The following UNC5A variants were observed in gnomAD, a reference collection of about 807,000 sequenced individuals.
UNC5A encodes the protein unc-5 netrin receptor A.
A neutral mutation model predicts 87.4 loss-of-function variants in UNC5A; 20 were observed. The ratio of observed to expected loss-of-function variants is 0.23; its 90% CI spans 0.16 to 0.33. The LOEUF (loss-of-function observed/expected upper bound fraction) is 0.33. Among genes scored for constraint, UNC5A ranks in the 10% least tolerant of loss-of-function variants. The probability of loss-of-function intolerance (pLI) is 1.00; values close to 1 mark genes in which losing one functional copy is unlikely to be tolerated. For missense variants in UNC5A, 844 were observed against 1,133.4 expected (o/e 0.74, Z 3.67); for synonymous variants, 438 against 482.3 (o/e 0.91, Z 1.20).
intron 1 of UNC5A, among the ~76,000 whole-genome samples, chr5:176,847,036 C>T (rs1208018705): frequency 6.6e-6 from 1 of 152,154 alleles, no homozygotes; most frequent in East Asian, 1.9e-4. Flanking sequence ...AGCAGCACAG[C>T]CCCTTGCCGC....
At chr5:176,878,709 G>T in intron 13 of UNC5A, 70 bp downstream of exon 13, 1 of 1,541,012 alleles carries the variant, frequency 6.5e-7, no homozygotes. Flanking sequence ...CCCCCAAAAC[G>T]CTCCTGCCCT....
Position 176,838,293 on chromosome 5 carries a change from C to T in UNC5A, c.71-24331C>T, listed in dbSNP as rs937681510. On this transcript the variant is annotated intron_variant, in intron 1 of 14. Coordinates refer to ENST00000329542, the MANE Select transcript of UNC5A (RefSeq NM_133369.3). This position sits in a 1 kb window ranked among gnomAD's most constrained non-coding sequence, Gnocchi z 4.2. ...GGAAGCCACTCCCCTGCTAAAAAGCCTGTGATGGTTCCCCAATGCCTATAG... is the reference window on the plus strand; with the variant it reads ...GGAAGCCACTCCCCTGCTAAAAAGCTTGTGATGGTTCCCCAATGCCTATAG... Among the ~76,000 whole-genome samples, 20 of 152,182 alleles carry T rather than the reference C, an allele frequency of 1.3e-4. No individual in the cohort carries two copies. The highest frequency in any genetic ancestry group is 4.6e-4 in the African/African-American group (19 of 41,442).
chr5:176,832,686 G>A (rs183892108), intron 1 of UNC5A, among the ~76,000 whole-genome samples: 2 of 152,278 alleles, frequency 1.3e-5, no homozygotes, highest in East Asian at 3.9e-4. Context: ...CACACCAAGG[G>A]GTGTTGAGCC....
intron 1 of UNC5A, among the ~76,000 whole-genome samples, chr5:176,850,734 G>C (rs536734037): frequency 6.6e-6 from 1 of 152,314 alleles, no homozygotes; most frequent in East Asian, 1.9e-4. Context: ...TTGTCCCTAG[G>C]TTACTGGGTT....
intron 1 of UNC5A, among the ~76,000 whole-genome samples, chr5:176,850,356 T>C (rs1757513778): frequency 1.3e-5 from 2 of 152,076 alleles, no homozygotes; most frequent in Admixed American, 1.3e-4. Context: ...ATTCTCTTTC[T>C]AGAAATAGCG....
intron 1 of UNC5A, among the ~76,000 whole-genome samples, chr5:176,856,724 G>C (rs956292759): frequency 6.6e-6 from 1 of 152,076 alleles, no homozygotes; most frequent in Non-Finnish European, 1.5e-5. Context: ...CCACACCACT[G>C]GATGCCCACA....
intron 1 of UNC5A, among the ~76,000 whole-genome samples, chr5:176,850,143 T>G (rs1005943397): frequency 2.6e-5 from 4 of 152,142 alleles, no homozygotes; most frequent in African/African-American, 9.7e-5. Context: ...GGAGGCAACA[T>G]CTTTAATTTT....
intron 8 of UNC5A, 123 bp from the exon 9 acceptor site, chr5:176,877,069 C>T: frequency 1.3e-6 from 1 of 768,844 alleles, no homozygotes. Flanking sequence ...TTTGAGGCCC[C>T]TCTGTCCCCA....
At chr5:176,870,173 C>G (rs1281578526) in intron 5 of UNC5A, among the ~76,000 whole-genome samples, 197 bp from the exon 6 acceptor site, 2 of 152,196 alleles carry the variant, frequency 1.3e-5, no homozygotes, top group Non-Finnish European at 2.9e-5. Flanking sequence ...TCCGCGCCTC[C>G]CTGTCATTAG....
At chr5:176,872,919 C>T (rs1043520118) in intron 6 of UNC5A, among the ~76,000 whole-genome samples, 4 of 134,462 alleles carry the variant, frequency 3.0e-5, no homozygotes, top group Admixed American at 7.4e-5. Context: ...CATCTGCCCA[C>T]ACTCACCCAA....
chr5:176,859,497 C>CCTTGCTAGAGGGCATAGCTGCTAGAATGT (rs1757774559), intron 1 of UNC5A, among the ~76,000 whole-genome samples: 2 of 95,434 alleles, frequency 2.1e-5, no homozygotes, highest in Admixed American at 1.0e-4. Flanking sequence ...TGCTAGAATG[C>CCTTGCTAGAGGGCATAGCTGCTAGAATGT]CCTTGCTAGA....
In UNC5A at chr5:176,879,870, C is replaced by A. The variant is rs1358669067; in HGVS notation, c.2513C>A (p.Ser838Ter). ...GQPDAGLFTVSEAEC is the reference protein window; with the variant it reads ...GQPDAGLFTV Reference sequence around the variant, plus strand: ...CCAGACGCTGGCCTCTTCACAGTGTCGGAGGCTGAGTGCTGAGGCCGGCCA... The same window carrying A: ...CCAGACGCTGGCCTCTTCACAGTGTAGGAGGCTGAGTGCTGAGGCCGGCCA... Residue 838 changes from serine (S) to a stop codon, truncating the protein, a stop_gained, in exon 15 of 15, where the codon TCG becomes TAG. Coordinates refer to ENST00000329542, the MANE Select transcript of UNC5A (RefSeq NM_133369.3). LOFTEE classifies it high-confidence loss of function. 2 of 1,611,618 alleles carry A rather than the reference C, an allele frequency of 1.2e-6. No individual in the cohort carries two copies. Among genetic ancestry groups the A allele is most frequent in the African/African-American group, 2.7e-5 (2 of 74,876 alleles).
chr5:176,864,964 T>C (rs1432706042), intron 2 of UNC5A: 1 of 386,268 alleles, frequency 2.6e-6, no homozygotes, highest in Non-Finnish European at 5.1e-6. Flanking sequence ...GCTGGGAGGG[T>C]CTGCAGGAGA....
At position 176,873,836 on chromosome 5, in the gene UNC5A, C is replaced by G. The variant is rs539946014; in HGVS notation, c.887-132C>G. 115 of 886,894 alleles carry G rather than the reference C, an allele frequency of 1.3e-4. No homozygotes were observed. The African/African-American group carries it at 1.6e-3, about 12-fold the overall frequency. 54.9% of individuals were successfully genotyped at this position (886,894 alleles called of 1,614,324 possible). A position where few individuals can be genotyped will look rare whatever the true frequency, so the allele number is the denominator to read the frequency against. On this transcript the variant is annotated intron_variant, in intron 6 of 14. Transcript: ENST00000329542. ...CGCACGGACTCCATGCTCCCTGCCA[C>G]AAGCGTCTGCTCCCTAGCTAGTGCA...
Position 176,848,697 on chromosome 5 carries a change from C to T in UNC5A, c.71-13927C>T, listed in dbSNP as rs1006894754. On this transcript the variant is annotated intron_variant, in intron 1 of 14. Transcript: ENST00000329542. This position sits in a 1 kb window ranked among gnomAD's most constrained non-coding sequence, Gnocchi z 5.8. ...GTCTCAGGGGTCCCCTCTCTGGAGT[C>T]CCCCACCTGGACTCGCCTGTGCCGC... Among the ~76,000 whole-genome samples the T allele has an allele frequency of 6.6e-6, 1 of 152,162 alleles. No homozygotes were observed. Among genetic ancestry groups the T allele is most frequent in the Admixed American group, 6.5e-5 (1 of 15,284 alleles).
intron 1 of UNC5A, among the ~76,000 whole-genome samples, chr5:176,830,558 C>T (rs1249767954): frequency 2.2e-5 from 1 of 44,968 alleles, no homozygotes; most frequent in Non-Finnish European, 4.4e-5. Flanking sequence ...GTGCATGTGT[C>T]CTGGTGTGTG....
At chr5:176,828,944 C>T (rs188372464) in intron 1 of UNC5A, among the ~76,000 whole-genome samples, 17 of 152,148 alleles carry the variant, frequency 1.1e-4, no homozygotes, top group African/African-American at 3.6e-4. Context: ...GCCTGACCAA[C>T]ATGGTAAAAC....
chr5:176,830,783 C>CGT (rs1346489173), intron 1 of UNC5A, among the ~76,000 whole-genome samples: 1 of 103,744 alleles, frequency 9.6e-6, no homozygotes, highest in East Asian at 3.1e-4. Flanking sequence ...TGTGTACTGG[C>CGT]GTGTGTGTGC....
chr5:176,811,230 A>C (rs530751312), intron 1 of UNC5A, among the ~76,000 whole-genome samples: 1 of 152,280 alleles, frequency 6.6e-6, no homozygotes, highest in Admixed American at 6.5e-5. Flanking sequence ...AACGTTTAAG[A>C]TACCTCTTCC....
Sources: gnomAD v4.1 joint callset for allele counts (sites outside exome capture counted in the v4.1 genomes callset) on GRCh38, gnomAD v4.1.1 for gene constraint, Gnocchi (gnomAD v3.1) non-coding constraint, MANE v1.5 for transcripts, NCBI Gene and HGNC (gene_info 2026-07-23, HGNC 2026-07-21) for gene names.